SLC25A28: variants seen among roughly 807,000 people sequenced by gnomAD.
SLC25A28 encodes mitoferrin-2.
SLC25A28 carries 10 observed loss-of-function variants against 31.9 expected under a neutral mutation model. That is an observed-to-expected ratio of 0.31 (90% CI 0.19 to 0.53). The LOEUF (loss-of-function observed/expected upper bound fraction) is 0.53, where lower values mean the gene tolerates loss of function less well. SLC25A28 is among the 20% of genes least tolerant of loss of function. The probability of loss-of-function intolerance (pLI) is 0.95; values close to 1 mark genes in which losing one functional copy is unlikely to be tolerated. For synonymous variants in SLC25A28, 208 were observed against 203.6 expected, an observed-to-expected ratio of 1.02 and a Z score of -0.19; for missense variants, 256 against 490.3, an observed-to-expected ratio of 0.52 and a Z score of 4.51.
chr10:99,620,851 GCCTGCAGAGCTGCGGTC>G (rs1196783004), upstream of SLC25A28: 3 of 985,354 alleles, frequency 3.0e-6, no homozygotes, highest in Non-Finnish European at 3.6e-6. Flanking sequence ...CCTCACTAGC[GCCTGCAGAGCTGCGGTC>G]CCTGTGCGCG....
chr10:99,623,691 T>A (rs1330195395), upstream of SLC25A28, among the ~76,000 whole-genome samples: 2 of 152,198 alleles, frequency 1.3e-5, no homozygotes, highest in African/African-American at 4.8e-5. Context: ...GGGATTTGCT[T>A]TGGCCAGTGA....
In SLC25A28 at chr10:99,613,379, CAT is replaced by C; in HGVS notation, c.520+315_520+316del. On this transcript the variant is annotated intron_variant, in intron 2 of 3. Coordinates refer to ENST00000370495, the MANE Select transcript of SLC25A28 (RefSeq NM_031212.4). The surrounding 1 kb of genome is among the most constrained non-coding windows in gnomAD (Gnocchi z 4.9). ...AGCAGGACACCACCCAACTGTCAAA[CAT>C]AGACTGGGGGTAGTTCAGTGTGTCT... 1.1e-5 allele frequency: 13 copies of C among 1,235,396 alleles called. No individual in the cohort carries two copies. Among genetic ancestry groups the C allele is most frequent in the Non-Finnish European group, 1.3e-5 (13 of 976,278 alleles). The allele number at this position is 1,235,396 out of a possible 1,614,324, so 76.5% of individuals were successfully genotyped here. A position where few individuals can be genotyped will look rare whatever the true frequency, so the allele number is the denominator to read the frequency against.
Position 99,613,969 on chromosome 10 carries a change from T to A in SLC25A28, c.292-45A>T. The A allele has an allele frequency of 6.6e-7, 1 of 1,524,850 alleles. No individual in the cohort carries two copies. Among genetic ancestry groups the A allele is most frequent in the Non-Finnish European group, 8.8e-7 (1 of 1,134,154 alleles). The allele number at this position is 1,524,850 out of a possible 1,614,324, so 94.5% of individuals were successfully genotyped here. ...AAGCGCAATGTCAGCAATGCCAACT[T>A]CTCGCCCCACCTCAACACACTGGGC... On this transcript the variant is annotated intron_variant, in intron 1 of 3. Coordinates refer to ENST00000370495, the MANE Select transcript of SLC25A28 (RefSeq NM_031212.4). The surrounding 1 kb of genome is among the most constrained non-coding windows in gnomAD (Gnocchi z 4.9).
chr10:99,615,898 C>G lies in SLC25A28; in HGVS notation c.292-1974G>C, dbSNP rs973837331. On this transcript the variant is annotated intron_variant, in intron 1 of 3. Coordinates refer to ENST00000370495, the MANE Select transcript of SLC25A28 (RefSeq NM_031212.4). The stretch of plus-strand genomic sequence containing the variant: ...TGGCTACCAATTCTGAACGGTTTGG[C>G]TTCGGAGGCCTGGAACTCCTCACCC... The G allele has an allele frequency of 1.0e-5, 10 of 985,270 alleles. No individual in the cohort carries two copies. The African/African-American group carries it at 1.7e-4, about 17-fold the overall frequency. The allele number at this position is 985,270 out of a possible 1,614,324, so 61.0% of individuals were successfully genotyped here.
chr10:99,619,997 G>A, intron 1 of SLC25A28, 48 bp downstream of exon 1: 16 of 1,514,570 alleles, frequency 1.1e-5, no homozygotes, highest in Middle Eastern at 2.4e-4. Context: ...CAAGACCCAG[G>A]GGTCGGGTCA....
At chr10:99,616,576 T>C (rs1425343166) in intron 1 of SLC25A28, 2 of 985,270 alleles carry the variant, frequency 2.0e-6, no homozygotes, top group Non-Finnish European at 2.4e-6. Flanking sequence ...AGGGTTAATT[T>C]TGTATTTTTT....
chr10:99,655,850 C>T, the SLC25A28 span, among the ~76,000 whole-genome samples: 4 of 152,304 alleles, frequency 2.6e-5, no homozygotes, highest in East Asian at 7.7e-4. Context: ...ACCCTTCAAG[C>T]ACATGGCCAA....
intron 1 of SLC25A28, chr10:99,615,952 A>T (rs1421631369): frequency 1.0e-6 from 1 of 985,320 alleles, no homozygotes. Flanking sequence ...GTGGGAAGCT[A>T]CTTTGAACAT....
chr10:99,616,670 T>C (rs1422935964), intron 1 of SLC25A28: 1 of 985,330 alleles, frequency 1.0e-6, no homozygotes, highest in African/African-American at 1.7e-5. Flanking sequence ...AGGGACAAGC[T>C]TTACTGTGAA....
chr10:99,624,151 T>TC (rs10694410), upstream of SLC25A28, among the ~76,000 whole-genome samples: 1 of 117,762 alleles, frequency 8.5e-6, no homozygotes, highest in African/African-American at 3.1e-5. Context: ...CTCTTTTTCT[T>TC]TCTTTCTTCC....
chr10:99,642,255 T>G, the SLC25A28 span, among the ~76,000 whole-genome samples: 1 of 152,204 alleles, frequency 6.6e-6, no homozygotes, highest in Admixed American at 6.5e-5. Flanking sequence ...AGCAGTGGTT[T>G]GTAGTTCTCC....
chr10:99,646,070 C>A, the SLC25A28 span, among the ~76,000 whole-genome samples: 1 of 152,188 alleles, frequency 6.6e-6, no homozygotes, highest in Non-Finnish European at 1.5e-5. Flanking sequence ...GCTGGGAGAA[C>A]CACTACTCTC....
the SLC25A28 span, among the ~76,000 whole-genome samples, chr10:99,636,148 C>T: frequency 6.6e-6 from 1 of 152,160 alleles, no homozygotes; most frequent in Non-Finnish European, 1.5e-5. Context: ...CAGAACATTT[C>T]ATCCAGCAAC....
At chr10:99,626,567 A>G in the SLC25A28 span, among the ~76,000 whole-genome samples, 1 of 152,096 alleles carries the variant, frequency 6.6e-6, no homozygotes, top group East Asian at 1.9e-4. Context: ...CTCACTTCTC[A>G]TCTTATTATC....
chr10:99,651,470 T>C, the SLC25A28 span, among the ~76,000 whole-genome samples: 1 of 152,172 alleles, frequency 6.6e-6, no homozygotes, highest in African/African-American at 2.4e-5. Flanking sequence ...TACAAGCCCT[T>C]TATCAGATAT....
At chr10:99,653,076 T>C in the SLC25A28 span, among the ~76,000 whole-genome samples, 1 of 152,238 alleles carries the variant, frequency 6.6e-6, no homozygotes, top group Non-Finnish European at 1.5e-5. Context: ...AAAGTATGTC[T>C]ACAAATTAGT....
rs754894817 is a variant in SLC25A28, at chr10:99,610,814, TG to T, written c.*34del. On this transcript the variant is annotated 3_prime_UTR_variant, in exon 4 of 4. Coordinates refer to ENST00000370495, the MANE Select transcript of SLC25A28 (RefSeq NM_031212.4). The stretch of plus-strand genomic sequence containing the variant: ...AGAGAATGTGACCAGGATGCAGCAG[TG>T]TCATCTGAACCCCTGGCTTCGTTCA... 1.6e-5 allele frequency: 25 copies of T among 1,592,632 alleles called. No individual in the cohort carries two copies. The highest frequency in any genetic ancestry group is 2.1e-5 in the Non-Finnish European group (25 of 1,167,226).
the SLC25A28 span, among the ~76,000 whole-genome samples, chr10:99,649,224 C>T: frequency 6.6e-6 from 1 of 152,064 alleles, no homozygotes; most frequent in Non-Finnish European, 1.5e-5. Flanking sequence ...GGTTTTTGTC[C>T]TTAATTCTGT....
chr10:99,620,990 G>A, upstream of SLC25A28: 1 of 985,102 alleles, frequency 1.0e-6, no homozygotes, highest in Non-Finnish European at 1.2e-6. Context: ...CGTGGCTGGA[G>A]AGCGGGCGGC....
Sources: allele counts gnomAD v4.1 joint callset (sites outside exome capture counted in the v4.1 genomes callset), GRCh38; gene constraint gnomAD v4.1.1; non-coding constraint Gnocchi (gnomAD v3.1); transcripts MANE v1.5; gene names NCBI Gene and HGNC (gene_info 2026-07-23, HGNC 2026-07-21).